The following EYS variants were observed in gnomAD, a reference collection of about 807,000 sequenced individuals.
EYS encodes EGF-like photoreceptor maintenance factor, also known as protein eyes shut homolog.
EYS carries 250 observed loss-of-function variants against 282.1 expected under a neutral mutation model. That is an observed-to-expected ratio of 0.89 (90% confidence interval 0.80 to 0.98). EYS has a LOEUF of 0.98. Among genes scored for constraint, EYS ranks in the 50% least tolerant of loss-of-function variants. EYS has a pLI of 0.00. For missense variants in EYS, 4,016 were observed against 3,709.0 expected (o/e 1.08, Z -2.15); for synonymous variants, 1,355 against 1,282.9 (o/e 1.06, Z -1.20).
intron 32 of EYS, among the ~76,000 whole-genome samples, chr6:64,081,073 G>GT (rs1237040381): frequency 1.3e-5 from 2 of 152,130 alleles, no homozygotes; most frequent in Non-Finnish European, 2.9e-5. Context: ...CTTTAAAGTA[G>GT]TTTTTTCTAA....
intron 2 of EYS, among the ~76,000 whole-genome samples, chr6:65,593,655 A>G (rs1247307315): frequency 6.6e-6 from 1 of 151,776 alleles, no homozygotes; most frequent in Non-Finnish European, 1.5e-5. Flanking sequence ...TTAAAATTCA[A>G]TTTTTCTACT....
chr6:64,704,343 A>G (rs1489459229), intron 22 of EYS, among the ~76,000 whole-genome samples: 1 of 146,646 alleles, frequency 6.8e-6, no homozygotes, highest in Non-Finnish European at 1.5e-5. Context: ...TACATATATA[A>G]AATAATTGCT....
At chr6:65,328,078 A>G (rs1426035332) in intron 11 of EYS, among the ~76,000 whole-genome samples, 2 of 151,616 alleles carry the variant, frequency 1.3e-5, no homozygotes, top group Non-Finnish European at 3.0e-5. Context: ...ACACATTAAC[A>G]TATGCTGTGA....
chr6:64,924,116 G>T (rs1222990602), intron 15 of EYS, among the ~76,000 whole-genome samples: 1 of 152,156 alleles, frequency 6.6e-6, no homozygotes, highest in Non-Finnish European at 1.5e-5. Flanking sequence ...TTTTGCCTGG[G>T]CATCCAGGCG....
At chr6:65,535,302 T>C (rs987788225) in intron 2 of EYS, among the ~76,000 whole-genome samples, 4 of 152,148 alleles carry the variant, frequency 2.6e-5, no homozygotes, top group Admixed American at 6.5e-5. Flanking sequence ...TTAGCTCCCA[T>C]AATTCCCATT....
chr6:63,929,217 C>T (rs1179423263), intron 35 of EYS, among the ~76,000 whole-genome samples: 4 of 152,120 alleles, frequency 2.6e-5, no homozygotes, highest in Non-Finnish European at 5.9e-5. Flanking sequence ...AGCTAAGCTC[C>T]CCTCTACTAA....
chr6:64,311,979 GT>G (rs61332669), intron 29 of EYS, among the ~76,000 whole-genome samples: 46 of 139,932 alleles, frequency 3.3e-4, no homozygotes, highest in East Asian at 2.7e-3. Flanking sequence ...GCTGCAGAAG[GT>G]TTTTTTTTTT....
chr6:65,180,580 T>C (rs1484185200), intron 12 of EYS, among the ~76,000 whole-genome samples: 1 of 152,120 alleles, frequency 6.6e-6, no homozygotes, highest in Non-Finnish European at 1.5e-5. Context: ...TGGAAGAACA[T>C]TCTATGCTCA....
At chr6:64,076,057 T>C (rs1174355321) in intron 32 of EYS, among the ~76,000 whole-genome samples, 2 of 151,952 alleles carry the variant, frequency 1.3e-5, no homozygotes, top group African/African-American at 2.4e-5. Flanking sequence ...TGCAAACATA[T>C]CTACTTCAAA....
At chr6:63,881,869 G>A (rs180802232) in intron 35 of EYS, among the ~76,000 whole-genome samples, 395 of 152,242 alleles carry the variant, frequency 2.6e-3, no homozygotes, top group Non-Finnish European at 4.0e-3. Flanking sequence ...CAGGTCAAGC[G>A]ACAAGGAATT....
intron 31 of EYS, among the ~76,000 whole-genome samples, chr6:64,225,699 G>A (rs1766232966): frequency 6.6e-6 from 1 of 152,104 alleles, no homozygotes; most frequent in African/African-American, 2.4e-5. Context: ...ATAGTTATAA[G>A]TATGAGAATA....
chr6:65,120,864 A>G (rs1581928054), intron 12 of EYS, among the ~76,000 whole-genome samples: 2 of 152,194 alleles, frequency 1.3e-5, no homozygotes, highest in Admixed American at 1.3e-4. Flanking sequence ...CTAACATTCA[A>G]TGATGTTTCC....
chr6:65,667,114 C>A, intron 1 of EYS, among the ~76,000 whole-genome samples: 1 of 151,744 alleles, frequency 6.6e-6, no homozygotes. Flanking sequence ...CAGAATTAAT[C>A]TCTTGCTCTG....
intron 26 of EYS, among the ~76,000 whole-genome samples, chr6:64,449,822 C>T (rs1262401352): frequency 2.0e-5 from 3 of 152,124 alleles, no homozygotes; most frequent in Non-Finnish European, 4.4e-5. Context: ...ATTTTGTCAC[C>T]ACCAGACCTG....
chr6:64,680,008 T>C (rs545929021), intron 22 of EYS, among the ~76,000 whole-genome samples: 44 of 152,204 alleles, frequency 2.9e-4, no homozygotes, highest in African/African-American at 9.4e-4. Flanking sequence ...ATAAATTAGG[T>C]TCCACATGTG....
chr6:64,755,079 T>A (rs986220852), intron 22 of EYS, among the ~76,000 whole-genome samples: 1 of 152,084 alleles, frequency 6.6e-6, no homozygotes, highest in Admixed American at 6.6e-5. Context: ...ATTTGATAAA[T>A]GATATCAGTA....
At chr6:65,464,039 T>A (rs1764909996) in intron 5 of EYS, among the ~76,000 whole-genome samples, 1 of 152,186 alleles carries the variant, frequency 6.6e-6, no homozygotes, top group Non-Finnish European at 1.5e-5. Context: ...CTACCTATTT[T>A]CTTTTTTCAA....
At chr6:65,238,925 CATATT>C (rs1180819368) in intron 12 of EYS, among the ~76,000 whole-genome samples, 1 of 151,884 alleles carries the variant, frequency 6.6e-6, no homozygotes, top group African/African-American at 2.4e-5. Flanking sequence ...AAATTACAAT[CATATT>C]AATATGCTTA....
intron 7 of EYS, among the ~76,000 whole-genome samples, chr6:65,387,213 G>A (rs1765834261): frequency 6.6e-6 from 1 of 151,848 alleles, no homozygotes; most frequent in African/African-American, 2.4e-5. Context: ...AGTGACCTAT[G>A]GAATGCACAC....
Sources: gnomAD v4.1 joint callset for allele counts (sites outside exome capture counted in the v4.1 genomes callset) on GRCh38, gnomAD v4.1.1 for gene constraint, MANE v1.5 for transcripts, NCBI Gene and HGNC (gene_info 2026-07-23, HGNC 2026-07-21) for gene names.